The following STRN variants were observed in gnomAD, a reference collection of about 807,000 sequenced individuals.
STRN encodes the protein protein phosphatase 2 regulatory subunit B'''alpha.
A neutral mutation model predicts 96.3 loss-of-function variants in STRN; 53 were observed. That is an observed-to-expected ratio of 0.55 (90% CI 0.44 to 0.69). The LOEUF is 0.69. STRN is among the 30% of genes least tolerant of loss of function. The pLI is 0.00. For missense variants in STRN, 987 were observed against 963.9 expected, an observed-to-expected ratio of 1.02 and a Z score of -0.32; for synonymous variants, 428 against 355.9, an observed-to-expected ratio of 1.20 and a Z score of -2.28.
At chr2:36,912,247 A>T (rs376727268) in intron 3 of STRN, among the ~76,000 whole-genome samples, 5 of 152,150 alleles carry the variant, frequency 3.3e-5, no homozygotes, top group African/African-American at 1.2e-4. Context: ...TGTGCGTGAG[A>T]GTGTGCGCGC....
At position 36,837,981 on chromosome 2, in the gene STRN, T is replaced by G. The variant is rs953419445; in HGVS notation, c.*11475A>C. ...TGGCCCCCATGAACTCTGCCCCTCATGTTACTTCCATGGTTGATGTTACAT... is the reference window on the plus strand; with the variant it reads ...TGGCCCCCATGAACTCTGCCCCTCAGGTTACTTCCATGGTTGATGTTACAT... On this transcript the variant is annotated 3_prime_UTR_variant, in exon 18 of 18. Coordinates refer to ENST00000263918, the MANE Select transcript of STRN (RefSeq NM_003162.4). Among the ~76,000 whole-genome samples the G allele has an allele frequency of 1.3e-5, 2 of 152,198 alleles. No individual in the cohort carries two copies. Among genetic ancestry groups the G allele is most frequent in the Admixed American group, 6.5e-5 (1 of 15,282 alleles).
chr2:36,899,596 G>A lies in STRN; in HGVS notation c.722C>T (p.Ala241Val). ...LDNFKFLESA[A>V]ADFSDEDEDD... is the part of the protein sequence containing the mutation. ...TTCATCTTCATCACTGAAATCTGCA[G>A]CTGCACTTTCAAGGAATTTGAAATT... Residue 241 changes from alanine to valine, a missense_variant, in exon 6 of 18, where the codon GCT (alanine) becomes GTT (valine). Transcript: ENST00000263918. 1.2e-6 allele frequency: 2 copies of A among 1,613,632 alleles called. No homozygotes were observed. The highest frequency in any genetic ancestry group is 1.7e-6 in the Non-Finnish European group (2 of 1,179,880).
intron 1 of STRN, among the ~76,000 whole-genome samples, 188 bp downstream of exon 1, chr2:36,966,042 C>G (rs1665150413): frequency 6.7e-6 from 1 of 150,334 alleles, no homozygotes; most frequent in African/African-American, 2.5e-5. Context: ...GGAGTGAGAA[C>G]AGGGTCGAGG....
chr2:36,854,296 T>C (rs1337995392), intron 15 of STRN, among the ~76,000 whole-genome samples: 1 of 152,234 alleles, frequency 6.6e-6, no homozygotes, highest in Non-Finnish European at 1.5e-5. Flanking sequence ...CTGAAAAAAA[T>C]TCTCCTTTTC....
rs1359647984 is a variant in STRN at position 36,861,219 on chromosome 2, C to T, written c.1582G>A (p.Gly528Ser). The T allele has an allele frequency of 6.2e-7, 1 of 1,613,992 alleles. No individual in the cohort carries two copies. The highest frequency in any genetic ancestry group is 8.5e-7 in the Non-Finnish European group (1 of 1,179,944). The change falls in exon 13 of 18, where the codon GGT becomes AGT. Residue 528 changes from glycine (G) to serine (S), a missense_variant. By Grantham distance (56) the Gly-to-Ser change is moderately conservative. Coordinates refer to ENST00000263918, the MANE Select transcript of STRN (RefSeq NM_003162.4). Reference sequence around the variant, plus strand: ...GTACCACCACTGTAACACTGCTCACCATTGCTGCTCATTACCACACAAAGC... The same window carrying T: ...GTACCACCACTGTAACACTGCTCACTATTGCTGCTCATTACCACACAAAGC... ...PVLCVVMSSNGEQCYSGGTDG... is the reference protein window; with the variant it reads ...PVLCVVMSSNSEQCYSGGTDG...
intron 1 of STRN, among the ~76,000 whole-genome samples, chr2:36,961,617 T>G (rs1400395058): frequency 6.6e-6 from 1 of 152,180 alleles, no homozygotes; most frequent in Non-Finnish European, 1.5e-5. Context: ...TTTATTAAAG[T>G]AGCCTCCTAA....
At position 36,867,835 on chromosome 2, in the gene STRN, A is replaced by G; in HGVS notation, c.1526T>C (p.Ile509Thr). The change falls in exon 12 of 18, where the codon ATC (isoleucine) becomes ACC (threonine). Residue 509 changes from isoleucine (I) to threonine (T), a missense_variant. Coordinates refer to ENST00000263918, the MANE Select transcript of STRN (RefSeq NM_003162.4). ...TTACTTATGGGCTCTGAATGTATAG[A>G]TAGGTTCTACATCAAGAGAAGTGCT... ...KKSTSLDVEP[I>T]YTFRAHKGPV... 1 of 1,593,370 alleles carries G rather than the reference A, an allele frequency of 6.3e-7. No individual in the cohort carries two copies. Among genetic ancestry groups the G allele is most frequent in the Non-Finnish European group, 8.5e-7 (1 of 1,171,236 alleles).
intron 2 of STRN, among the ~76,000 whole-genome samples, chr2:36,918,397 C>G (rs1169048595): frequency 1.3e-5 from 2 of 151,854 alleles, no homozygotes; most frequent in African/African-American, 4.8e-5. Flanking sequence ...AGTCTGAAGA[C>G]AGATTATATT....
intron 1 of STRN, among the ~76,000 whole-genome samples, chr2:36,943,552 C>G (rs1039430464): frequency 2.6e-5 from 4 of 152,106 alleles, no homozygotes; most frequent in African/African-American, 7.2e-5. Context: ...CACTTGTAAT[C>G]CCAGCACTTC....
chr2:36,850,453 C>G (rs1328648557), intron 16 of STRN, among the ~76,000 whole-genome samples: 1 of 152,078 alleles, frequency 6.6e-6, no homozygotes, highest in Non-Finnish European at 1.5e-5. Flanking sequence ...CAATTCAAAT[C>G]AATGAGGACC....
intron 1 of STRN, among the ~76,000 whole-genome samples, chr2:36,951,393 G>C (rs1664749202): frequency 6.6e-6 from 1 of 152,224 alleles, no homozygotes; most frequent in Non-Finnish European, 1.5e-5. Context: ...ATAAAATGCA[G>C]ACACTATTTG....
In STRN at chr2:36,965,267, C is replaced by T. The variant is rs1338445612; in HGVS notation, c.234+963G>A. On this transcript the variant is annotated intron_variant, in intron 1 of 17. Transcript: ENST00000263918. Reference sequence around the variant, plus strand: ...CAGAAAGGCACAACTATTCATAGTTCTTTAAGTTCCTTTTGAAATTGGTGT... The same window carrying T: ...CAGAAAGGCACAACTATTCATAGTTTTTTAAGTTCCTTTTGAAATTGGTGT... 4.6e-5 allele frequency among the ~76,000 whole-genome samples: 7 copies of T among 152,198 alleles called. No homozygotes were observed. In the East Asian group the frequency reaches 1.3e-3, roughly 29 times the overall value.
At chr2:36,849,895 T>C (rs1668177301) in intron 16 of STRN, 95 bp from the exon 17 acceptor site, 4 of 1,167,848 alleles carry the variant, frequency 3.4e-6, no homozygotes, top group African/African-American at 1.5e-5. Flanking sequence ...CAGTCATCCC[T>C]CTCTGTGTGC....
rs1668106081 is a variant in STRN, at chr2:36,847,328, T to G, written c.*2128A>C. The G allele has an allele frequency of 6.6e-6, 1 of 152,164 alleles. No individual in the cohort carries two copies. 9.4% of individuals were successfully genotyped at this position (152,164 alleles called of 1,614,324 possible). A position where few individuals can be genotyped will look rare whatever the true frequency, so the allele number is the denominator to read the frequency against. On this transcript the variant is annotated 3_prime_UTR_variant, in exon 18 of 18. Transcript: ENST00000263918. ...AAGATCTTAGAAGGTAATTAATAAC[T>G]GGTAGAACAATAGCTTTGTGGTCAT... is the stretch of plus-strand genomic sequence containing the variant.
At chr2:36,960,125 G>GTT in intron 1 of STRN, among the ~76,000 whole-genome samples, 1 of 152,154 alleles carries the variant, frequency 6.6e-6, no homozygotes, top group Non-Finnish European at 1.5e-5. Flanking sequence ...ACATGTAAAG[G>GTT]AAGTGGCTTA....
At chr2:36,903,176 T>A (rs1417514614) in intron 4 of STRN, among the ~76,000 whole-genome samples, 1 of 152,244 alleles carries the variant, frequency 6.6e-6, no homozygotes, top group Non-Finnish European at 1.5e-5. Context: ...TCTCCTTCAT[T>A]ACACACAAGG....
At chr2:36,899,231 C>G (rs1669620467) in intron 6 of STRN, among the ~76,000 whole-genome samples, 6 of 152,192 alleles carry the variant, frequency 3.9e-5, no homozygotes, top group Admixed American at 3.9e-4. Context: ...CAACCAATAA[C>G]CCTGCATTGT....
intron 9 of STRN, among the ~76,000 whole-genome samples, chr2:36,882,136 T>C (rs1669088903): frequency 1.3e-5 from 2 of 152,182 alleles, no homozygotes; most frequent in Non-Finnish European, 2.9e-5. Context: ...CGTGAAAATC[T>C]AGATACATCT....
chr2:36,841,040 T>G lies in STRN; in HGVS notation c.*8416A>C, dbSNP rs1030927380. 7.9e-5 allele frequency: 12 copies of G among 152,190 alleles called. No homozygotes were observed. Among genetic ancestry groups the G allele is most frequent in the African/African-American group, 2.7e-4 (11 of 41,442 alleles). 9.4% of individuals were successfully genotyped at this position (152,190 alleles called of 1,614,324 possible). A position where few individuals can be genotyped will look rare whatever the true frequency, so the allele number is the denominator to read the frequency against. On this transcript the variant is annotated 3_prime_UTR_variant, in exon 18 of 18. Transcript: ENST00000263918. ...ACAAAATTGCCTGGAACTACAACCT[T>G]CAAGTTCAAAATTTCTACCTCCAGA... is the stretch of plus-strand genomic sequence containing the variant.
Sources: allele counts gnomAD v4.1 joint callset (sites outside exome capture counted in the v4.1 genomes callset), GRCh38; gene constraint gnomAD v4.1.1; transcripts MANE v1.5; gene names NCBI Gene and HGNC (gene_info 2026-07-23, HGNC 2026-07-21).